SPAG17: variants seen among roughly 807,000 people sequenced by gnomAD.
The protein encoded by SPAG17 is sperm-associated antigen 17.
A neutral mutation model predicts 273.6 loss-of-function variants in SPAG17; 169 were observed. The observed-to-expected ratio is 0.62, with a 90% CI of 0.55 to 0.70. The LOEUF is 0.70. SPAG17 is among the 30% of genes least tolerant of loss of function. The pLI is 0.00. For missense variants in SPAG17, 2,557 were observed against 2,627.8 expected, an observed-to-expected ratio of 0.97 and a Z score of 0.59; for synonymous variants, 825 against 873.2, an observed-to-expected ratio of 0.94 and a Z score of 0.97.
rs12075877 is a variant in SPAG17 at position 118,182,215 on chromosome 1, C to G, written c.87+2856G>C. Among the ~76,000 whole-genome samples, 640 of 152,174 alleles carry G rather than the reference C, an allele frequency of 4.2e-3. 2 individuals carry two copies. Among genetic ancestry groups the G allele is most frequent in the African/African-American group, 0.015 (623 of 41,510 alleles). ...CAAAAAGACAAATACTACATGATTC[C>G]ACTTACATGAAGTACCTAAAGTAGT... On this transcript the variant is annotated intron_variant, in intron 1 of 48. Transcript: ENST00000336338.
In SPAG17 at chr1:118,036,844, C is replaced by T. The variant is rs1242569093; in HGVS notation, c.3359G>A (p.Gly1120Glu). The T allele has an allele frequency of 6.4e-7, 1 of 1,561,016 alleles. No homozygotes were observed. Among genetic ancestry groups the T allele is most frequent in the East Asian group, 2.4e-5 (1 of 42,226 alleles). ...DAKNKAFSKF[G>E]SFSATLENGI... ...ATTTTCTAAGGTGGCAGAAAAAGATCCAAACTTGCTGAAAGCTTTATTCTT... is the reference window on the plus strand; with the variant it reads ...ATTTTCTAAGGTGGCAGAAAAAGATTCAAACTTGCTGAAAGCTTTATTCTT... Residue 1120 changes from glycine to glutamate, a missense_variant, in exon 24 of 49, where the codon GGA becomes GAA. Physicochemically the swap from Gly to Glu is moderately conservative, Grantham distance 98 (BLOSUM62 -2). Coordinates refer to ENST00000336338, the MANE Select transcript of SPAG17 (RefSeq NM_206996.4).
At chr1:118,116,560 C>T (rs1420450253) in intron 3 of SPAG17, among the ~76,000 whole-genome samples, 1 of 152,136 alleles carries the variant, frequency 6.6e-6, no homozygotes, top group Non-Finnish European at 1.5e-5. Context: ...CAGGACTTTC[C>T]TGACCAGTCC....
rs1353958368 is a variant in SPAG17, at chr1:118,042,026, T to G, written c.2831A>C (p.Gln944Pro). Reference sequence around the variant, plus strand: ...GCGCTCCTCTTCTGCTAATCGATGTTGCTCTTCTTTCCATGCCTGTAAACA... The same window carrying G: ...GCGCTCCTCTTCTGCTAATCGATGTGGCTCTTCTTTCCATGCCTGTAAACA... ...EGSLKAWKEE[Q>P]HRLAEEERLR... The change falls in exon 21 of 49, where the codon CAA (glutamine) becomes CCA (proline). Residue 944 changes from glutamine (Q) to proline (P), a missense_variant. Transcript: ENST00000336338. 1 of 1,611,722 alleles carries G rather than the reference T, an allele frequency of 6.2e-7. No homozygotes were observed. The highest frequency in any genetic ancestry group is 8.5e-7 in the Non-Finnish European group (1 of 1,179,504).
chr1:117,971,602 A>C (rs1326042433), intron 45 of SPAG17, among the ~76,000 whole-genome samples: 1 of 151,874 alleles, frequency 6.6e-6, no homozygotes, highest in Non-Finnish European at 1.5e-5. Flanking sequence ...TCAGGATGTG[A>C]GTTGCTTTTA....
At chr1:118,180,346 A>T (rs1392012911) in intron 1 of SPAG17, among the ~76,000 whole-genome samples, 1 of 152,098 alleles carries the variant, frequency 6.6e-6, no homozygotes, top group African/African-American at 2.4e-5. Flanking sequence ...AATAAGGGAA[A>T]GATGAATATC....
intron 3 of SPAG17, among the ~76,000 whole-genome samples, chr1:118,134,269 T>C (rs1658216671): frequency 6.6e-6 from 1 of 152,160 alleles, no homozygotes. Context: ...TTATTATATA[T>C]ACACTGAATA....
At chr1:118,096,257 G>A (rs534243346) in intron 7 of SPAG17, among the ~76,000 whole-genome samples, 3 of 151,986 alleles carry the variant, frequency 2.0e-5, no homozygotes, top group Non-Finnish European at 4.4e-5. Context: ...ATAGAACCAG[G>A]GACACTCAGA....
Position 118,055,761 on chromosome 1 carries a change from G to A in SPAG17, c.2694C>T (p.Ser898=), listed in dbSNP as rs372019736. ...TAGATTCTTTAATGGAAAAAATTTT[G>A]CTAGCAGAAGTAAGTTTGGCATTAG... ...SSANAKLTSA[S]KIFSIKESKS... The change falls in exon 19 of 49, where the codon AGC becomes AGT. Residue 898 remains serine (S), a synonymous_variant. Coordinates refer to ENST00000336338, the MANE Select transcript of SPAG17 (RefSeq NM_206996.4). 1.6e-5 allele frequency: 26 copies of A among 1,612,012 alleles called. No individual in the cohort carries two copies. The highest frequency in any genetic ancestry group is 2.1e-5 in the Non-Finnish European group (25 of 1,179,430).
chr1:117,959,164 A>C, intron 48 of SPAG17: 2 of 1,376,370 alleles, frequency 1.5e-6, no homozygotes, highest in Non-Finnish European at 2.0e-6. Flanking sequence ...AAAACAAACA[A>C]GAAAAGTTCT....
intron 13 of SPAG17, among the ~76,000 whole-genome samples, chr1:118,084,826 C>T (rs17037870): frequency 0.068 from 10,415 of 152,186 alleles, 515 homozygotes; most frequent in East Asian, 0.26. Context: ...TTTTCCACCA[C>T]TGTTATAATC....
At chr1:118,090,760 G>T (rs1200363488) in intron 10 of SPAG17, among the ~76,000 whole-genome samples, 1 of 152,088 alleles carries the variant, frequency 6.6e-6, no homozygotes, top group Admixed American at 6.6e-5. Flanking sequence ...GGTGGTGCAT[G>T]CTTGTAGTTC....
chr1:118,034,307 C>T (rs149191040), intron 24 of SPAG17, among the ~76,000 whole-genome samples: 51 of 152,250 alleles, frequency 3.3e-4, no homozygotes, highest in African/African-American at 1.2e-3. Flanking sequence ...GCCTTAGGAA[C>T]CCAGAAGAAG....
intron 4 of SPAG17, among the ~76,000 whole-genome samples, chr1:118,109,165 C>T (rs1478299795): frequency 1.4e-5 from 2 of 147,906 alleles, no homozygotes; most frequent in African/African-American, 2.5e-5. Context: ...TTTTTTGAGA[C>T]GGAGTCTTGT....
intron 40 of SPAG17, among the ~76,000 whole-genome samples, chr1:117,985,045 G>A (rs572495236): frequency 6.6e-6 from 1 of 152,154 alleles, no homozygotes; most frequent in African/African-American, 2.4e-5. Flanking sequence ...TGATTTTGTA[G>A]TTGATCTCAA....
intron 5 of SPAG17, among the ~76,000 whole-genome samples, chr1:118,100,922 A>G (rs1250738075): frequency 1.3e-5 from 2 of 152,216 alleles, no homozygotes; most frequent in Admixed American, 1.3e-4. Context: ...GTGAGTCACC[A>G]AATTAACTGA....
rs142462641 is a variant in SPAG17, at chr1:118,112,849, T to A, written c.447+2461A>T. On this transcript the variant is annotated intron_variant, in intron 4 of 48. Transcript: ENST00000336338. Reference sequence around the variant, plus strand: ...AAAAGCAATGTTAACCATAGCCCAGTTTAAAATGTTATTAAAAGTAGTGGA... The same window carrying A: ...AAAAGCAATGTTAACCATAGCCCAGATTAAAATGTTATTAAAAGTAGTGGA... Among the ~76,000 whole-genome samples the A allele has an allele frequency of 4.7e-3, 714 of 152,236 alleles. 7 individuals are homozygous for A. Among genetic ancestry groups the A allele is most frequent in the African/African-American group, 0.017 (687 of 41,572 alleles).
intron 17 of SPAG17, among the ~76,000 whole-genome samples, chr1:118,068,066 GT>G (rs1653162042): frequency 6.6e-6 from 1 of 151,698 alleles, no homozygotes; most frequent in African/African-American, 2.4e-5. Context: ...GTGGGCTTTC[GT>G]TTTTGTTTTC....
intron 18 of SPAG17, among the ~76,000 whole-genome samples, chr1:118,062,063 G>A (rs2102032354): frequency 6.6e-6 from 1 of 152,212 alleles, no homozygotes; most frequent in Non-Finnish European, 1.5e-5. Context: ...AAAAGGATAT[G>A]CTAGATATAA....
chr1:117,984,775 T>C lies in SPAG17; in HGVS notation c.5677A>G (p.Ile1893Val). 1 of 1,599,370 alleles carries C rather than the reference T, an allele frequency of 6.3e-7. No individual in the cohort carries two copies. Among genetic ancestry groups the C allele is most frequent in the Non-Finnish European group, 8.6e-7 (1 of 1,167,830 alleles). Reference protein sequence around the residue: ...KEKIDKTRKEIETTQNYLMDI... With the variant: ...KEKIDKTRKEVETTQNYLMDI... The stretch of plus-strand genomic sequence containing the variant: ...ATTAGGTAATTCTGTGTTGTCTCAA[T>C]TTCCTTCCTGGTTGATGTTTCCATG... The change falls in exon 41 of 49, where the codon ATT (isoleucine) becomes GTT (valine). Residue 1893 changes from isoleucine (I) to valine (V), a missense_variant. Transcript: ENST00000336338.
Sources: gnomAD v4.1 joint callset for allele counts (sites outside exome capture counted in the v4.1 genomes callset) on GRCh38, gnomAD v4.1.1 for gene constraint, MANE v1.5 for transcripts, NCBI Gene and HGNC (gene_info 2026-07-23, HGNC 2026-07-21) for gene names.